Variants in ROBO2 observed in about 807,000 individuals in gnomAD.
ROBO2 encodes the protein roundabout homolog 2.
Under a neutral mutation model 160.8 loss-of-function variants are expected in ROBO2, and 53 were observed. The observed-to-expected ratio is 0.33, with a 90% CI of 0.26 to 0.41. The LOEUF (loss-of-function observed/expected upper bound fraction) is 0.41, where lower values mean the gene tolerates loss of function less well. Ranked by LOEUF, ROBO2 falls within the 10% of genes least tolerant of loss-of-function variation. ROBO2 has a pLI of 1.00. For synonymous variants in ROBO2, 664 were observed against 611.7 expected, an observed-to-expected ratio of 1.09 and a Z score of -1.26; for missense variants, 1,577 against 1,722.4, an observed-to-expected ratio of 0.92 and a Z score of 1.49.
chr3:76,961,163 T>C lies in ROBO2; in HGVS notation c.110-136851T>C, dbSNP rs575537844. 1.1e-4 allele frequency among the ~76,000 whole-genome samples: 16 copies of C among 151,002 alleles called. No individual in the cohort carries two copies. The South Asian group carries it at 3.3e-3, about 31-fold the overall frequency. On this transcript the variant is annotated intron_variant, in intron 2 of 26. Coordinates refer to the ROBO2 transcript ENST00000487694. ...CAAATCATCAGAATCTGCCATAAGG[T>C]TTGTTGAAAGACAGACCCTGCTCAA...
intron 2 of ROBO2, among the ~76,000 whole-genome samples, chr3:77,230,267 AG>A (rs2151278774): frequency 6.6e-6 from 1 of 152,148 alleles, no homozygotes; most frequent in South Asian, 2.1e-4. Flanking sequence ...TCCTTTTTGT[AG>A]AGACAGGGTC....
intron 2 of ROBO2, among the ~76,000 whole-genome samples, chr3:75,975,326 T>C (rs2065108023): frequency 6.6e-6 from 1 of 151,452 alleles, no homozygotes; most frequent in South Asian, 2.1e-4. Flanking sequence ...TGTCAAATTA[T>C]TTATATAAAA....
chr3:77,464,134 A>G (rs903993473), intron 2 of ROBO2, among the ~76,000 whole-genome samples: 1 of 152,248 alleles, frequency 6.6e-6, no homozygotes, highest in Non-Finnish European at 1.5e-5. Flanking sequence ...TTTACAGATG[A>G]AAAAGCTGAA....
At chr3:77,569,817 A>T (rs2153667102) in intron 13 of ROBO2, among the ~76,000 whole-genome samples, 1 of 152,068 alleles carries the variant, frequency 6.6e-6, no homozygotes. Flanking sequence ...GTTTATGAGT[A>T]CAAAATTGGG....
At chr3:76,873,971 AG>A (rs2072425246) in intron 2 of ROBO2, among the ~76,000 whole-genome samples, 2 of 152,166 alleles carry the variant, frequency 1.3e-5, no homozygotes, top group African/African-American at 4.8e-5. Flanking sequence ...GCACTAGCCA[AG>A]ATAAATAGAA....
chr3:76,195,939 A>G (rs1184987049), intron 2 of ROBO2, among the ~76,000 whole-genome samples: 1 of 152,090 alleles, frequency 6.6e-6, no homozygotes, highest in Non-Finnish European at 1.5e-5. Context: ...GAGACTCTGG[A>G]CTTCATGATG....
rs541888753 is a variant in ROBO2, at chr3:76,918,162, A to T, written c.110-179852A>T. On this transcript the variant is annotated intron_variant, in intron 2 of 26. Transcript: ENST00000487694. ...GGCTGTATGTCTCCACTCAAATCTT[A>T]CTTTGATTCTAATAATCCCCATGTA... is the stretch of plus-strand genomic sequence containing the variant. Among the ~76,000 whole-genome samples the T allele has an allele frequency of 1.3e-4, 20 of 152,308 alleles. 1 individual carries two copies. The South Asian group carries it at 4.1e-3, about 32-fold the overall frequency.
chr3:77,036,399 A>T (rs2063639629), upstream of ROBO2, among the ~76,000 whole-genome samples: 2 of 151,996 alleles, frequency 1.3e-5, no homozygotes, highest in Non-Finnish European at 2.9e-5. Flanking sequence ...AAGAGTAAAA[A>T]AGTGGATTAG....
At chr3:76,273,391 A>G (rs1707715562) in intron 2 of ROBO2, among the ~76,000 whole-genome samples, 1 of 151,892 alleles carries the variant, frequency 6.6e-6, no homozygotes, top group Non-Finnish European at 1.5e-5. Context: ...GTGCTACTGT[A>G]ACAGAATAAC....
chr3:76,857,641 T>C (rs182193659), intron 2 of ROBO2, among the ~76,000 whole-genome samples: 2 of 152,320 alleles, frequency 1.3e-5, no homozygotes, highest in Admixed American at 6.5e-5. Context: ...GTGGCTGTTT[T>C]TAAGAAATCA....
intron 2 of ROBO2, among the ~76,000 whole-genome samples, chr3:76,815,517 AGTGTTGT>A (rs2065590950): frequency 6.6e-6 from 1 of 151,888 alleles, no homozygotes; most frequent in Admixed American, 6.6e-5. Flanking sequence ...CCAGCGTAGG[AGTGTTGT>A]GTTTTCAACT....
At chr3:77,052,008 A>G (rs1226112454) in intron 1 of ROBO2, among the ~76,000 whole-genome samples, 1 of 152,216 alleles carries the variant, frequency 6.6e-6, no homozygotes, top group Non-Finnish European at 1.5e-5. Flanking sequence ...TTGGGATCAA[A>G]TGCAAAAGAA....
Position 76,452,009 on chromosome 3 carries a change from T to A in ROBO2, c.109+514407T>A, listed in dbSNP as rs1345889511. ...TAGACCAAAGTTATTTCTGTTTGTG[T>A]GTGTGACTGAATTTTAACGTATCTG... On this transcript the variant is annotated intron_variant, in intron 2 of 26. Coordinates refer to the ROBO2 transcript ENST00000487694. Among the ~76,000 whole-genome samples the A allele has an allele frequency of 3.3e-5, 5 of 152,266 alleles. No individual in the cohort carries two copies. In the South Asian group the frequency reaches 8.3e-4, roughly 25 times the overall value.
chr3:77,644,399 AAC>A (rs768500107), intron 24 of ROBO2, among the ~76,000 whole-genome samples: 22 of 152,286 alleles, frequency 1.4e-4, no homozygotes, highest in Non-Finnish European at 3.1e-4. Flanking sequence ...GCTTTTGTTA[AAC>A]TGTAGTTCAT....
chr3:76,893,827 C>T (rs912897426), intron 2 of ROBO2, among the ~76,000 whole-genome samples: 6 of 152,010 alleles, frequency 3.9e-5, no homozygotes, highest in Non-Finnish European at 8.8e-5. Flanking sequence ...CTCCTCCCAC[C>T]GACCCACCCT....
chr3:77,412,404 A>G (rs1351729013), intron 2 of ROBO2, among the ~76,000 whole-genome samples: 1 of 152,206 alleles, frequency 6.6e-6, no homozygotes, highest in African/African-American at 2.4e-5. Context: ...CATATAACAC[A>G]TGGCATATGC....
chr3:76,925,699 G>A (rs553196026), intron 2 of ROBO2, among the ~76,000 whole-genome samples: 6 of 152,200 alleles, frequency 3.9e-5, no homozygotes, highest in Admixed American at 6.5e-5. Flanking sequence ...TGAGAGTGCC[G>A]CTTACACCAC....
chr3:76,064,188 A>G (rs1254274168), intron 2 of ROBO2, among the ~76,000 whole-genome samples: 1 of 152,214 alleles, frequency 6.6e-6, no homozygotes, highest in Admixed American at 6.5e-5. Flanking sequence ...GATCCAGTTG[A>G]GCCACACTCA....
At chr3:76,885,127 A>G (rs138788221) in intron 2 of ROBO2, among the ~76,000 whole-genome samples, 94 of 152,334 alleles carry the variant, frequency 6.2e-4, no homozygotes, top group Admixed American at 2.4e-3. Flanking sequence ...TGACTAGCCA[A>G]TAACTGCAGG....
Sources: allele counts gnomAD v4.1 joint callset (sites outside exome capture counted in the v4.1 genomes callset), GRCh38; gene constraint gnomAD v4.1.1; transcripts MANE v1.5; gene names NCBI Gene and HGNC (gene_info 2026-07-23, HGNC 2026-07-21).